Variants in TGFBRAP1 observed in about 807,000 individuals in gnomAD.
The protein encoded by TGFBRAP1 is transforming growth factor-beta receptor-associated protein 1.
Under a neutral mutation model 83.2 loss-of-function variants are expected in TGFBRAP1, and 20 were observed. The ratio of observed to expected loss-of-function variants is 0.24; its 90% confidence interval spans 0.17 to 0.35. TGFBRAP1 has a LOEUF of 0.35. Among genes scored for constraint, TGFBRAP1 ranks in the 10% least tolerant of loss-of-function variants. The pLI, the probability that TGFBRAP1 is intolerant of heterozygous loss-of-function variation, is 1.00. For synonymous variants in TGFBRAP1, 415 were observed against 459.8 expected (o/e 0.90, Z 1.25); for missense variants, 950 against 1,099.4 (o/e 0.86, Z 1.92).
chr2:105,280,053 T>TA (rs1188904900), intron 6 of TGFBRAP1, among the ~76,000 whole-genome samples: 427 of 131,768 alleles, frequency 3.2e-3, no homozygotes, highest in African/African-American at 5.2e-3. Context: ...AAATAGTCAT[T>TA]AAAAAAAAAA....
At chr2:105,316,902 C>T (rs1212975777) in intron 1 of TGFBRAP1, among the ~76,000 whole-genome samples, 3 of 151,598 alleles carry the variant, frequency 2.0e-5, no homozygotes, top group African/African-American at 7.3e-5. Flanking sequence ...TCAACATATA[C>T]AATATAATCA....
At chr2:105,263,489 T>A (rs960840954), downstream of TGFBRAP1, among the ~76,000 whole-genome samples, 4 of 152,264 alleles carry the variant, frequency 2.6e-5, no homozygotes, top group Admixed American at 6.5e-5. Context: ...GCACCTCAGC[T>A]TCTTCAAATT....
intron 1 of TGFBRAP1, among the ~76,000 whole-genome samples, chr2:105,316,467 G>GCA (rs1678873433): frequency 1.7e-5 from 1 of 58,250 alleles, no homozygotes; most frequent in Non-Finnish European, 3.8e-5. Flanking sequence ...GTGTGTGCGC[G>GCA]CGCGCGCGCG....
chr2:105,252,588 T>C, the TGFBRAP1 span, among the ~76,000 whole-genome samples: 558 of 152,214 alleles, frequency 3.7e-3, 4 homozygotes, highest in African/African-American at 0.013. Context: ...TGATCCATGA[T>C]TTTTTGTCCC....
chr2:105,284,269 C>T (rs775646121), intron 5 of TGFBRAP1, 47 bp downstream of exon 5: 66 of 1,581,616 alleles, frequency 4.2e-5, no homozygotes, highest in Non-Finnish European at 4.9e-5. Flanking sequence ...GTTCTGGCCA[C>T]AGAGGGACAC....
intron 1 of TGFBRAP1, among the ~76,000 whole-genome samples, chr2:105,312,049 A>G (rs1027710484): frequency 6.6e-6 from 1 of 152,226 alleles, no homozygotes; most frequent in Non-Finnish European, 1.5e-5. Flanking sequence ...TCTATTAAAT[A>G]TAACTTGCTG....
chr2:105,327,848 A>C (rs898604729), intron 1 of TGFBRAP1, among the ~76,000 whole-genome samples: 1 of 152,238 alleles, frequency 6.6e-6, no homozygotes. Context: ...GAAGGCTAAC[A>C]GTGGCACCTC....
At chr2:105,286,145 G>A (rs1464001587) in intron 4 of TGFBRAP1, among the ~76,000 whole-genome samples, 2 of 152,178 alleles carry the variant, frequency 1.3e-5, no homozygotes, top group East Asian at 3.8e-4. Context: ...AATTACTCCT[G>A]TGGACATTCC....
chr2:105,274,711 T>G (rs548871838), intron 8 of TGFBRAP1, among the ~76,000 whole-genome samples: 1 of 152,300 alleles, frequency 6.6e-6, no homozygotes, highest in South Asian at 2.1e-4. Context: ...GAAACAAGTA[T>G]GCAAAGTGCA....
At chr2:105,298,791 C>T in intron 2 of TGFBRAP1, 86 bp from the exon 3 acceptor site, 2 of 1,304,774 alleles carry the variant, frequency 1.5e-6, no homozygotes, top group Non-Finnish European at 1.0e-6. Flanking sequence ...CAGACCGACC[C>T]CTGCCCACCA....
chr2:105,280,047 A>T (rs1677478330), intron 6 of TGFBRAP1, among the ~76,000 whole-genome samples: 1 of 151,648 alleles, frequency 6.6e-6, no homozygotes, highest in Non-Finnish European at 1.5e-5. Flanking sequence ...CAAAAAAAAT[A>T]GTCATTAAAA....
chr2:105,251,491 G>A, the TGFBRAP1 span, among the ~76,000 whole-genome samples: 1 of 151,610 alleles, frequency 6.6e-6, no homozygotes, highest in Admixed American at 6.6e-5. Context: ...GTCTCCGCCC[G>A]GCAGCCACAC....
rs368185503 is a variant in TGFBRAP1 at position 105,280,344 on chromosome 2, G to C, written c.1463+38C>G. The C allele has an allele frequency of 7.6e-6, 12 of 1,588,096 alleles. No individual in the cohort carries two copies. In the African/African-American group the frequency reaches 1.6e-4, roughly 21 times the overall value. ...CAAAGAGCCTCAGTAAGGGTGCAGG[G>C]CGGGAAGCCCTGATCATATCAGGAA... is the stretch of plus-strand genomic sequence containing the variant. On this transcript the variant is annotated intron_variant, in intron 6 of 11. Coordinates refer to ENST00000393359, the MANE Select transcript of TGFBRAP1 (RefSeq NM_004257.6).
At chr2:105,270,205 C>T (rs748088718) in intron 10 of TGFBRAP1, among the ~76,000 whole-genome samples, 3 of 152,124 alleles carry the variant, frequency 2.0e-5, no homozygotes, top group Non-Finnish European at 4.4e-5. Flanking sequence ...AATATGAGCT[C>T]ATATTATTCA....
At chr2:105,314,087 A>G (rs1678776194) in intron 1 of TGFBRAP1, among the ~76,000 whole-genome samples, 1 of 152,070 alleles carries the variant, frequency 6.6e-6, no homozygotes, top group African/African-American at 2.4e-5. Context: ...ACACAGAGAC[A>G]GATACATACA....
chr2:105,294,899 C>A (rs1423068763), intron 4 of TGFBRAP1, among the ~76,000 whole-genome samples: 1 of 148,882 alleles, frequency 6.7e-6, no homozygotes, highest in Non-Finnish European at 1.5e-5. Context: ...AGCTGGAAAA[C>A]CTTGGAATGT....
In TGFBRAP1 at chr2:105,277,478, C is replaced by A. The variant is rs75993722; in HGVS notation, c.1521+136G>T. The A allele has an allele frequency of 3.7e-3, 2,639 of 706,414 alleles. 58 individuals carry two copies. In the African/African-American group the frequency reaches 0.042, roughly 11 times the overall value. The allele number at this position is 706,414 out of a possible 1,614,324, so 43.8% of individuals were successfully genotyped here. A position where few individuals can be genotyped will look rare whatever the true frequency, so the allele number is the denominator to read the frequency against. ...AGGAATTCACTTTCTAAAACAGAATCATTTTTATTCTGTATAAAAGGGTGT... is the reference window on the plus strand; with the variant it reads ...AGGAATTCACTTTCTAAAACAGAATAATTTTTATTCTGTATAAAAGGGTGT... On this transcript the variant is annotated intron_variant, in intron 7 of 11. Transcript: ENST00000393359.
chr2:105,262,918 T>C (rs915133750), downstream of TGFBRAP1, among the ~76,000 whole-genome samples: 8 of 152,240 alleles, frequency 5.3e-5, no homozygotes, highest in Admixed American at 1.3e-4. Context: ...AAAGGGCCTC[T>C]AGTCCATATG....
At chr2:105,326,958 C>T (rs2104427330) in intron 1 of TGFBRAP1, among the ~76,000 whole-genome samples, 1 of 152,194 alleles carries the variant, frequency 6.6e-6, no homozygotes, top group South Asian at 2.1e-4. Context: ...ACTCTACATT[C>T]ATTTAGTAGG....
Sources: allele counts gnomAD v4.1 joint callset (sites outside exome capture counted in the v4.1 genomes callset), GRCh38; gene constraint gnomAD v4.1.1; transcripts MANE v1.5; gene names NCBI Gene and HGNC (gene_info 2026-07-23, HGNC 2026-07-21).